Variants in ADAMTS2 observed in about 807,000 individuals in gnomAD.
ADAMTS2 encodes ADAM metallopeptidase with thrombospondin type 1 motif 2, also known as A disintegrin and metalloproteinase with thrombospondin motifs 2.
ADAMTS2 carries 50 observed loss-of-function variants against 123.0 expected under a neutral mutation model. The observed-to-expected ratio is 0.41, with a 90% CI of 0.32 to 0.51. ADAMTS2 has a LOEUF of 0.51. Among genes scored for constraint, ADAMTS2 ranks in the 20% least tolerant of loss-of-function variants. The pLI is 0.35. For missense variants in ADAMTS2, 1,494 were observed against 1,705.2 expected (o/e 0.88, Z 2.18); for synonymous variants, 678 against 695.4 (o/e 0.98, Z 0.39).
intron 4 of ADAMTS2, among the ~76,000 whole-genome samples, chr5:179,183,172 G>C (rs1168231266): frequency 6.6e-6 from 1 of 152,216 alleles, no homozygotes; most frequent in Non-Finnish European, 1.5e-5. Flanking sequence ...CCAGCTTTGA[G>C]GGTCAGACTA....
intron 2 of ADAMTS2, among the ~76,000 whole-genome samples, chr5:179,281,244 G>C (rs1201133638): frequency 6.6e-6 from 1 of 152,232 alleles, no homozygotes; most frequent in African/African-American, 2.4e-5. Flanking sequence ...TATGCTGAAA[G>C]TGAACAATTC....
rs1757042755 is a variant in ADAMTS2 at position 179,317,757 on chromosome 5, C to T, written c.534+26010G>A. On this transcript the variant is annotated intron_variant, in intron 2 of 21. Coordinates refer to ENST00000251582, the MANE Select transcript of ADAMTS2 (RefSeq NM_014244.5). This position sits in a 1 kb window ranked among gnomAD's most constrained non-coding sequence, Gnocchi z 4.9. ...CACGCGTCTAGGGGAGGTTAGCGTG[C>T]CAGCACCAGCTGAGACTCCCTGGCC... 6.6e-6 allele frequency among the ~76,000 whole-genome samples: 1 copy of T among 152,224 alleles called. No individual in the cohort carries two copies. Among genetic ancestry groups the T allele is most frequent in the African/African-American group, 2.4e-5 (1 of 41,456 alleles).
chr5:179,220,351 C>T (rs984717891), intron 3 of ADAMTS2, among the ~76,000 whole-genome samples: 4 of 152,112 alleles, frequency 2.6e-5, no homozygotes, highest in African/African-American at 9.7e-5. Flanking sequence ...GCCAGTGGCT[C>T]AGCAGATGAC....
rs757480733 is a variant in ADAMTS2, at chr5:179,207,856, C to T, written c.689-141G>A. 132 of 788,642 alleles carry T rather than the reference C, an allele frequency of 1.7e-4. 2 individuals carry two copies. The highest frequency in any genetic ancestry group is 7.8e-4 in the South Asian group (51 of 65,158). 48.9% of individuals were successfully genotyped at this position (788,642 alleles called of 1,614,324 possible). ...TATTATTCCATTTTACAGAGGAAAG[C>T]GAGGTGCAGAGGAAGATGGCAGAGA... is the stretch of plus-strand genomic sequence containing the variant. On this transcript the variant is annotated intron_variant, in intron 3 of 21. Transcript: ENST00000251582.
chr5:179,278,397 AT>A (rs964240480), intron 2 of ADAMTS2, among the ~76,000 whole-genome samples: 3 of 151,978 alleles, frequency 2.0e-5, no homozygotes, highest in East Asian at 1.9e-4. Context: ...GTTTTGCTGC[AT>A]TTTTTTCCGG....
In ADAMTS2 at chr5:179,185,159, A is replaced by G. The variant is rs1764140285; in HGVS notation, c.892-4004T>C. ...TGAGGCCAGACCACGAAGTCAGGAG[A>G]AGGATTCCAAATCCTCTCTAAGAGC... is the stretch of plus-strand genomic sequence containing the variant. On this transcript the variant is annotated intron_variant, in intron 4 of 21. Transcript: ENST00000251582. The surrounding 1 kb of genome is among the most constrained non-coding windows in gnomAD (Gnocchi z 5.9). Among the ~76,000 whole-genome samples the G allele has an allele frequency of 6.6e-6, 1 of 152,102 alleles. No individual in the cohort carries two copies. The highest frequency in any genetic ancestry group is 1.5e-5 in the Non-Finnish European group (1 of 68,002).
chr5:179,229,739 G>A (rs1284513802), intron 3 of ADAMTS2, among the ~76,000 whole-genome samples: 1 of 152,234 alleles, frequency 6.6e-6, no homozygotes, highest in Non-Finnish European at 1.5e-5. Flanking sequence ...TGGGCCGCAG[G>A]CAGCATGAAT....
In ADAMTS2 at chr5:179,296,276, CG is replaced by C. The variant is rs535139884; in HGVS notation, c.535-23213del. 6.2e-3 allele frequency among the ~76,000 whole-genome samples: 948 copies of C among 152,076 alleles called. 11 individuals are homozygous for C. The highest frequency in any genetic ancestry group is 0.022 in the African/African-American group (895 of 41,474). On this transcript the variant is annotated intron_variant, in intron 2 of 21. Transcript: ENST00000251582. Reference sequence around the variant, plus strand: ...TGAGAATGCTGACAATGATGGGACCCGGGAGCAGCCGGAGCTCAAGGGACGG... The same window carrying C: ...TGAGAATGCTGACAATGATGGGACCCGGAGCAGCCGGAGCTCAAGGGACGG...
chr5:179,152,551 C>T (rs1763382840), intron 9 of ADAMTS2, among the ~76,000 whole-genome samples: 1 of 152,100 alleles, frequency 6.6e-6, no homozygotes, highest in African/African-American at 2.4e-5. Flanking sequence ...GCTAGGTGGG[C>T]ACCTGCTGAC....
intron 4 of ADAMTS2, among the ~76,000 whole-genome samples, chr5:179,191,875 G>A (rs187431913): frequency 4.6e-5 from 7 of 151,554 alleles, no homozygotes; most frequent in Non-Finnish European, 1.0e-4. Context: ...GATGCCCCTC[G>A]CTCCAGAAGG....
In ADAMTS2 at chr5:179,125,051, A is replaced by G. The variant is rs1350390171; in HGVS notation, c.2880T>C (p.Asn960=). 33 of 1,608,670 alleles carry G rather than the reference A, an allele frequency of 2.1e-5. No homozygotes were observed. Among genetic ancestry groups the G allele is most frequent in the Non-Finnish European group, 2.7e-5 (32 of 1,178,902 alleles). Residue 960 remains asparagine (N), a synonymous_variant, in exon 19 of 22, where the codon AAT becomes AAC. Transcript: ENST00000251582. The part of the protein sequence containing the change: ...TTRSVHAKHC[N]DARPESRRAC... ...CCCGGCGGCTCTCGGGCCGGGCGTC[A>G]TTGCAGTGCTTGGCGTGCACGGAGC... is the stretch of plus-strand genomic sequence containing the variant.
intron 10 of ADAMTS2, among the ~76,000 whole-genome samples, chr5:179,148,394 T>C (rs1182913732): frequency 1.3e-5 from 2 of 152,146 alleles, no homozygotes; most frequent in East Asian, 3.9e-4. Flanking sequence ...TCCCCTTTCC[T>C]GCAGACAGCC....
chr5:179,238,751 T>A (rs1261720800), intron 3 of ADAMTS2, among the ~76,000 whole-genome samples: 1 of 151,778 alleles, frequency 6.6e-6, no homozygotes, highest in Non-Finnish European at 1.5e-5. Flanking sequence ...TGGGGTCTGG[T>A]AGGTGGCCCG....
intron 4 of ADAMTS2, among the ~76,000 whole-genome samples, chr5:179,195,464 G>A (rs1376008361): frequency 6.6e-6 from 1 of 152,168 alleles, no homozygotes; most frequent in Non-Finnish European, 1.5e-5. Flanking sequence ...TTCAATCTGT[G>A]GCCCACATTG....
At chr5:179,157,987 C>T (rs1296994553) in intron 6 of ADAMTS2, among the ~76,000 whole-genome samples, 1 of 150,008 alleles carries the variant, frequency 6.7e-6, no homozygotes, top group Non-Finnish European at 1.5e-5. Context: ...TTTTTTGAGA[C>T]AGAGTCTCGC....
chr5:179,199,588 C>T (rs894881219), intron 4 of ADAMTS2, among the ~76,000 whole-genome samples: 2 of 152,178 alleles, frequency 1.3e-5, no homozygotes, highest in Admixed American at 6.5e-5. Context: ...CCAGGGGTGG[C>T]AGGAAGCTCT....
rs576706279 is a variant in ADAMTS2 at position 179,180,171 on chromosome 5, T to C, written c.975+901A>G. ...TTCCCACACGGCTGGTACAGGCACTTTGCAGTCTACACGGGCCGTACCGTG... is the reference window on the plus strand; with the variant it reads ...TTCCCACACGGCTGGTACAGGCACTCTGCAGTCTACACGGGCCGTACCGTG... On this transcript the variant is annotated intron_variant, in intron 5 of 21. Coordinates refer to ENST00000251582, the MANE Select transcript of ADAMTS2 (RefSeq NM_014244.5). This position sits in a 1 kb window ranked among gnomAD's most constrained non-coding sequence, Gnocchi z 4.6. Among the ~76,000 whole-genome samples the C allele has an allele frequency of 6.6e-6, 1 of 152,260 alleles. No homozygotes were observed. The highest frequency in any genetic ancestry group is 2.1e-4 in the South Asian group (1 of 4,822).
chr5:179,344,019 G>C lies in ADAMTS2; in HGVS notation c.282C>G (p.Thr94=). 1 of 1,612,654 alleles carries C rather than the reference G, an allele frequency of 6.2e-7. No individual in the cohort carries two copies. The highest frequency in any genetic ancestry group is 8.5e-7 in the Non-Finnish European group (1 of 1,179,868). ...VRARRAAPVR[T]PSFPGGNEEE... Reference sequence around the variant, plus strand: ...CCTCGTTGCCTCCGGGGAAGCTCGGGGTCCGGACCGGGGCGGCCCTGCGGG... The same window carrying C: ...CCTCGTTGCCTCCGGGGAAGCTCGGCGTCCGGACCGGGGCGGCCCTGCGGG... The change falls in exon 2 of 22, where the codon ACC becomes ACG. Residue 94 remains threonine (T), a synonymous_variant. Coordinates refer to ENST00000251582, the MANE Select transcript of ADAMTS2 (RefSeq NM_014244.5).
rs150079484 is a variant in ADAMTS2 at position 179,270,815 on chromosome 5, C to T, written c.688+2096G>A. On this transcript the variant is annotated intron_variant, in intron 3 of 21. Coordinates refer to ENST00000251582, the MANE Select transcript of ADAMTS2 (RefSeq NM_014244.5). ...CGTGGGAGCTAGCTCACTGAAGGCCCGAGCCCCTCATGCAGGGTCTGCTGA... is the reference window on the plus strand; with the variant it reads ...CGTGGGAGCTAGCTCACTGAAGGCCTGAGCCCCTCATGCAGGGTCTGCTGA... 2.0e-5 allele frequency among the ~76,000 whole-genome samples: 3 copies of T among 152,316 alleles called. No homozygotes were observed. The East Asian group carries it at 5.8e-4, about 29-fold the overall frequency.
Sources: gnomAD v4.1 joint callset for allele counts (sites outside exome capture counted in the v4.1 genomes callset) on GRCh38, gnomAD v4.1.1 for gene constraint, Gnocchi (gnomAD v3.1) non-coding constraint, MANE v1.5 for transcripts, NCBI Gene and HGNC (gene_info 2026-07-23, HGNC 2026-07-21) for gene names.